Variants in MAGI3 observed in about 807,000 individuals in gnomAD.
MAGI3 encodes membrane-associated guanylate kinase, WW and PDZ domain-containing protein 3.
MAGI3 carries 43 observed loss-of-function variants against 121.8 expected under a neutral mutation model. That is an observed-to-expected ratio of 0.35 (90% CI 0.28 to 0.46). The LOEUF (loss-of-function observed/expected upper bound fraction) is 0.46, where lower values mean the gene tolerates loss of function less well. Among genes scored for constraint, MAGI3 ranks in the 20% least tolerant of loss-of-function variants. The probability of loss-of-function intolerance (pLI) is 1.00; values close to 1 mark genes in which losing one functional copy is unlikely to be tolerated. For synonymous variants in MAGI3, 553 were observed against 639.3 expected, an observed-to-expected ratio of 0.86 and a Z score of 2.04; for missense variants, 1,547 against 1,797.3, an observed-to-expected ratio of 0.86 and a Z score of 2.52.
intron 13 of MAGI3, 83 bp downstream of exon 13, chr1:113,649,411 GT>G (rs534166052): frequency 3.9e-5 from 34 of 882,136 alleles, no homozygotes; most frequent in South Asian, 8.1e-5. Flanking sequence ...TGTGTTTTAA[GT>G]TTTTTTTTCT....
intron 1 of MAGI3, among the ~76,000 whole-genome samples, chr1:113,418,769 T>C (rs985223083): frequency 6.6e-6 from 1 of 152,176 alleles, no homozygotes; most frequent in East Asian, 1.9e-4. Context: ...TTTGCACTTA[T>C]GTATAGAAAA....
chr1:113,485,056 C>T (rs1261550987), intron 1 of MAGI3, among the ~76,000 whole-genome samples: 1 of 151,994 alleles, frequency 6.6e-6, no homozygotes, highest in African/African-American at 2.4e-5. Flanking sequence ...TTTCTTTATC[C>T]ACTCATTGTG....
Position 113,676,684 on chromosome 1 carries a change from G to A in MAGI3, c.3189+3219G>A, listed in dbSNP as rs574456795. Among the ~76,000 whole-genome samples, 6 of 152,106 alleles carry A rather than the reference G, an allele frequency of 3.9e-5. No homozygotes were observed. In the South Asian group the frequency reaches 6.2e-4, roughly 16 times the overall value. ...TTGATGACAACTTTCTCTGGTGGCC[G>A]CTGTCCAAATGATAAGAGTTTATCT... On this transcript the variant is annotated intron_variant, in intron 19 of 20. Coordinates refer to ENST00000307546, the MANE Select transcript of MAGI3 (RefSeq NM_001142782.2).
At chr1:113,398,284 T>C (rs1220743246) in intron 1 of MAGI3, among the ~76,000 whole-genome samples, 1 of 152,232 alleles carries the variant, frequency 6.6e-6, no homozygotes, top group African/African-American at 2.4e-5. Flanking sequence ...AGAGACTCTG[T>C]ATGGGTTATG....
Position 113,619,792 on chromosome 1 carries a change from A to C in MAGI3, c.1133A>C (p.Lys378Thr). 6.2e-7 allele frequency: 1 copy of C among 1,613,454 alleles called. No homozygotes were observed. The highest frequency in any genetic ancestry group is 1.7e-5 in the Admixed American group (1 of 60,006). ...ENPVEEAKRK[K>T]QLGQVEIGSS... ...CCAGTGGAGGAAGCCAAAAGGAAAA[A>C]GCAGTTAGGACAGGTTGAAATTGGG... The change falls in exon 8 of 21, where the codon AAG (lysine) becomes ACG (threonine). Residue 378 changes from lysine (K) to threonine (T), a missense_variant. Transcript: ENST00000307546.
intron 9 of MAGI3, among the ~76,000 whole-genome samples, chr1:113,634,645 G>C (rs1397580116): frequency 3.3e-5 from 5 of 151,882 alleles, no homozygotes; most frequent in Admixed American, 3.3e-4. Context: ...TAGCCTTGTA[G>C]TAGGTTGAAG....
At chr1:113,599,437 G>A (rs966177857) in intron 6 of MAGI3, among the ~76,000 whole-genome samples, 15 of 152,072 alleles carry the variant, frequency 9.9e-5, no homozygotes, top group South Asian at 8.3e-4. Context: ...AGAATACTAC[G>A]AACACCTCTA....
intron 1 of MAGI3, among the ~76,000 whole-genome samples, chr1:113,488,086 T>C (rs1175935269): frequency 6.6e-6 from 1 of 152,240 alleles, no homozygotes; most frequent in Admixed American, 6.5e-5. Context: ...CATGATTTTT[T>C]TCTTGCTTTT....
chr1:113,544,319 G>A (rs186913796), intron 1 of MAGI3, among the ~76,000 whole-genome samples: 103 of 152,318 alleles, frequency 6.8e-4, no homozygotes, highest in African/African-American at 2.5e-3. Context: ...AATATTGGTT[G>A]TGTGTTGATG....
chr1:113,450,145 G>A, intron 1 of MAGI3: 3 of 1,493,216 alleles, frequency 2.0e-6, no homozygotes, highest in Non-Finnish European at 2.8e-6. Context: ...ATTTGCTTTT[G>A]TAACTTTTGA....
chr1:113,653,055 G>T (rs193187527), intron 14 of MAGI3, among the ~76,000 whole-genome samples: 213 of 152,336 alleles, frequency 1.4e-3, no homozygotes, highest in Admixed American at 2.4e-3. Flanking sequence ...GGAAACTGCA[G>T]TTGCAAAACA....
chr1:113,437,870 T>TTCTTCTTCTTCTTCTTCTTCC (rs1557757143), intron 1 of MAGI3, among the ~76,000 whole-genome samples: 39 of 18,494 alleles, frequency 2.1e-3, no homozygotes, highest in East Asian at 0.015. Context: ...CTTCCTCTTC[T>TTCTTCTTCTTCTTCTTCTTCC]TCTTCTTCTC....
intron 1 of MAGI3, among the ~76,000 whole-genome samples, chr1:113,467,175 T>G (rs1655327326): frequency 6.6e-6 from 1 of 152,146 alleles, no homozygotes; most frequent in Admixed American, 6.5e-5. Flanking sequence ...TTTTAAAATT[T>G]TTTCTTCTTA....
At chr1:113,419,975 C>G (rs74657105) in intron 1 of MAGI3, among the ~76,000 whole-genome samples, 171 of 152,260 alleles carry the variant, frequency 1.1e-3, no homozygotes, top group Middle Eastern at 6.8e-3. Flanking sequence ...TTTGACCCTC[C>G]TACTACCCTC....
chr1:113,536,159 TAAAA>T lies in MAGI3; in HGVS notation c.317-13352_317-13349del, dbSNP rs71090707. Among the ~76,000 whole-genome samples, 53 of 147,662 alleles carry T rather than the reference TAAAA, an allele frequency of 3.6e-4. No individual in the cohort carries two copies. The Middle Eastern group carries it at 0.01, about 29-fold the overall frequency. On this transcript the variant is annotated intron_variant, in intron 1 of 20. Coordinates refer to ENST00000307546, the MANE Select transcript of MAGI3 (RefSeq NM_001142782.2). ...GAAGACATGTGTTTTTTTTTTTTTT[TAAAA>T]AAATTTGATTAGACAGTATGAATCT...
At chr1:113,457,367 T>A (rs1557767533) in intron 1 of MAGI3, among the ~76,000 whole-genome samples, 1 of 152,150 alleles carries the variant, frequency 6.6e-6, no homozygotes, top group Non-Finnish European at 1.5e-5. Flanking sequence ...AATTTCCCAT[T>A]TGACCCTTAC....
rs182491957 is a variant in MAGI3 at position 113,401,839 on chromosome 1, A to G, written c.316+10490A>G. Among the ~76,000 whole-genome samples the G allele has an allele frequency of 8.5e-5, 13 of 152,268 alleles. No individual in the cohort carries two copies. The East Asian group carries it at 2.5e-3, about 29-fold the overall frequency. On this transcript the variant is annotated intron_variant, in intron 1 of 20. Transcript: ENST00000307546. ...AGAATAACTCATTGCATTTAAGTAG[A>G]CCTTTCTCCTTCTAGACTTCGAGTA... is the stretch of plus-strand genomic sequence containing the variant.
At chr1:113,423,355 C>G in intron 1 of MAGI3, among the ~76,000 whole-genome samples, 1 of 151,814 alleles carries the variant, frequency 6.6e-6, no homozygotes. Flanking sequence ...CACTGCAAGC[C>G]CCACCTCCTG....
intron 9 of MAGI3, among the ~76,000 whole-genome samples, chr1:113,627,103 A>G (rs959314818): frequency 3.3e-5 from 5 of 152,110 alleles, no homozygotes; most frequent in African/African-American, 9.6e-5. Context: ...CTTTTGCTGT[A>G]TCCCATAGGT....
Sources: allele counts gnomAD v4.1 joint callset (sites outside exome capture counted in the v4.1 genomes callset), GRCh38; gene constraint gnomAD v4.1.1; transcripts MANE v1.5; gene names NCBI Gene and HGNC (gene_info 2026-07-23, HGNC 2026-07-21).